Variants in WNK2 observed in about 807,000 individuals in gnomAD.
WNK2 encodes serine/threonine-protein kinase WNK2.
Under a neutral mutation model 192.1 loss-of-function variants are expected in WNK2, and 67 were observed. That is an observed-to-expected ratio of 0.35 (90% CI 0.29 to 0.43). The LOEUF is 0.43. Among genes scored for constraint, WNK2 ranks in the 20% least tolerant of loss-of-function variants. The pLI is 1.00. For synonymous variants in WNK2, 1,439 were observed against 1,393.9 expected (o/e 1.03, Z -0.72); for missense variants, 2,698 against 3,089.7 (o/e 0.87, Z 3.01).
intron 2 of WNK2, among the ~76,000 whole-genome samples, chr9:93,213,360 T>C (rs1248716638): frequency 6.6e-6 from 1 of 152,238 alleles, no homozygotes; most frequent in Admixed American, 6.5e-5. Context: ...CACATACTAA[T>C]GTATCCATGT....
chr9:93,289,572 A>T lies in WNK2; in HGVS notation c.4818A>T (p.Pro1606=), dbSNP rs771530518. Residue 1606 remains proline, a synonymous_variant, in exon 20 of 30, where the codon CCA becomes CCT. Transcript: ENST00000427277. ...GCGGGGGGGACCTGGCCCTGCCCCC[A>T]GTGCCTAAGGAGGCGGTCTCAGGGC... The part of the protein sequence containing the change: ...EVCGGDLALP[P]VPKEAVSGRV... 9.1e-6 allele frequency: 14 copies of T among 1,535,580 alleles called. No individual in the cohort carries two copies.
intron 26 of WNK2, among the ~76,000 whole-genome samples, chr9:93,306,211 C>T (rs375209594): frequency 2.0e-5 from 3 of 152,296 alleles, no homozygotes; most frequent in South Asian, 2.1e-4. Context: ...AGATAGAAAC[C>T]CTCGAGTCCC....
chr9:93,314,041 CG>C (rs1193276033), intron 28 of WNK2, among the ~76,000 whole-genome samples: 1 of 150,818 alleles, frequency 6.6e-6, no homozygotes, highest in Non-Finnish European at 1.5e-5. Context: ...GAGGCTGAGG[CG>C]GGTGGATCAC....
chr9:93,202,572 T>C (rs1832641729), intron 2 of WNK2, among the ~76,000 whole-genome samples: 1 of 151,676 alleles, frequency 6.6e-6, no homozygotes, highest in South Asian at 2.1e-4. Context: ...GGTGGGTATT[T>C]GCACGGCTGA....
chr9:93,187,239 C>T (rs1829507153), intron 2 of WNK2, among the ~76,000 whole-genome samples: 1 of 152,122 alleles, frequency 6.6e-6, no homozygotes, highest in South Asian at 2.1e-4. Context: ...GTTCCCATTC[C>T]CTTTAAGGAA....
chr9:93,290,648 T>G (rs1458393000), intron 21 of WNK2, among the ~76,000 whole-genome samples: 1 of 152,298 alleles, frequency 6.6e-6, no homozygotes, highest in South Asian at 2.1e-4. Context: ...CCCTTGCTTT[T>G]CTTCAGCAAG....
At chr9:93,232,269 G>GC (rs1838941688) in intron 4 of WNK2, among the ~76,000 whole-genome samples, 1 of 152,228 alleles carries the variant, frequency 6.6e-6, no homozygotes, top group South Asian at 2.1e-4. Flanking sequence ...CAAGGTGGCT[G>GC]CCCGGGGGTG....
At chr9:93,299,938 G>A (rs1318802782) in intron 25 of WNK2, 113 bp from the exon 26 acceptor site, 2 of 807,998 alleles carry the variant, frequency 2.5e-6, no homozygotes, top group Non-Finnish European at 4.1e-6. Flanking sequence ...GCTAGATGGA[G>A]CCGTGGATGT....
At chr9:93,267,644 C>T (rs1237623033) in intron 16 of WNK2, 102 bp from the exon 17 acceptor site, 1 of 1,346,528 alleles carries the variant, frequency 7.4e-7, no homozygotes, top group African/African-American at 1.5e-5. Flanking sequence ...ACCATTCTTC[C>T]CTTGGGGCCT....
At chr9:93,299,934 T>C in intron 25 of WNK2, 117 bp from the exon 26 acceptor site, 3 of 743,612 alleles carry the variant, frequency 4.0e-6, no homozygotes, top group Non-Finnish European at 6.8e-6. Flanking sequence ...CTGGGCTAGA[T>C]GGAGCCGTGG....
At chr9:93,200,753 T>C (rs1587825730) in intron 2 of WNK2, among the ~76,000 whole-genome samples, 1 of 152,134 alleles carries the variant, frequency 6.6e-6, no homozygotes, top group South Asian at 2.1e-4. Context: ...TGCAGGTGGG[T>C]TCTGTACAGA....
chr9:93,198,411 G>A (rs1831671851), intron 2 of WNK2, among the ~76,000 whole-genome samples: 1 of 152,204 alleles, frequency 6.6e-6, no homozygotes, highest in African/African-American at 2.4e-5. Flanking sequence ...CAGCTGCTTT[G>A]GGTGGGGCCC....
chr9:93,194,548 C>G (rs1295725780), intron 2 of WNK2, among the ~76,000 whole-genome samples: 1 of 152,232 alleles, frequency 6.6e-6, no homozygotes, highest in Non-Finnish European at 1.5e-5. Flanking sequence ...ATCTAGAACA[C>G]TAACACCAAA....
rs1838314089 is a variant in WNK2, at chr9:93,229,145, G to C, written c.682-551G>C. Among the ~76,000 whole-genome samples, 1 of 152,164 alleles carries C rather than the reference G, an allele frequency of 6.6e-6. No homozygotes were observed. The highest frequency in any genetic ancestry group is 1.5e-5 in the Non-Finnish European group (1 of 68,030). ...GGCCCAAGGGTCTGGGGAGGTGTCT[G>C]CTGTGTCCTCCTGCACAGGAGGGCC... On this transcript the variant is annotated intron_variant, in intron 2 of 29. Coordinates refer to ENST00000427277, the MANE Select transcript of WNK2 (RefSeq NM_006648.4). The surrounding 1 kb of genome is among the most constrained non-coding windows in gnomAD (Gnocchi z 4.9).
In WNK2 at chr9:93,293,346, G is replaced by A. The variant is rs1269669953; in HGVS notation, c.5708+173G>A. 3.4e-5 allele frequency among the ~76,000 whole-genome samples: 5 copies of A among 145,932 alleles called. No individual in the cohort carries two copies. The Admixed American group carries it at 3.4e-4, about 10-fold the overall frequency. On this transcript the variant is annotated intron_variant, in intron 23 of 29. Transcript: ENST00000427277. ...GCTTTTTTTTTTTTTTTTTGAGACA[G>A]TCTCGCTCTGTCACCCAGGCTGGAG...
At position 93,292,695 on chromosome 9, in the gene WNK2, A is replaced by G; in HGVS notation, c.5230A>G (p.Thr1744Ala). 1 of 1,568,942 alleles carries G rather than the reference A, an allele frequency of 6.4e-7. No individual in the cohort carries two copies. The highest frequency in any genetic ancestry group is 8.6e-7 in the Non-Finnish European group (1 of 1,158,986). ...GCAGGATGTCAGCTCACCAGCCAAG[A>G]CTGTGGGCCGTTTCTCGGTGGTCAG... ...EQQDVSSPAK[T>A]VGRFSVVSTQ... The change falls in exon 23 of 30, where the codon ACT becomes GCT. Residue 1744 changes from threonine (T) to alanine (A), a missense_variant. Thr to Ala is a moderately conservative substitution (Grantham distance 58, BLOSUM62 0). Transcript: ENST00000427277.
At chr9:93,255,759 C>T (rs1843192960) in intron 9 of WNK2, among the ~76,000 whole-genome samples, 1 of 152,180 alleles carries the variant, frequency 6.6e-6, no homozygotes, top group African/African-American at 2.4e-5. Context: ...AGAACAAAGC[C>T]CAATTCCATT....
At chr9:93,231,136 T>G in intron 4 of WNK2, 28 bp downstream of exon 4, 1 of 1,604,904 alleles carries the variant, frequency 6.2e-7, no homozygotes, top group Non-Finnish European at 8.5e-7. Flanking sequence ...CCCCAGGCCC[T>G]TGGAGCCCAT....
chr9:93,222,084 G>C (rs1300701216), intron 2 of WNK2, among the ~76,000 whole-genome samples: 3 of 150,058 alleles, frequency 2.0e-5, no homozygotes, highest in Non-Finnish European at 3.0e-5. Context: ...GGTGAGTACC[G>C]GTGTGTATGT....
Sources: allele counts gnomAD v4.1 joint callset (sites outside exome capture counted in the v4.1 genomes callset), GRCh38; gene constraint gnomAD v4.1.1; non-coding constraint Gnocchi (gnomAD v3.1); transcripts MANE v1.5; gene names NCBI Gene and HGNC (gene_info 2026-07-23, HGNC 2026-07-21).